The following MDFIC2 variants were observed in gnomAD, a reference collection of about 807,000 sequenced individuals.
MDFIC2 encodes myoD family inhibitor domain-containing protein 2.
At chr3:70,220,153 T>G (rs1701449065) in intron 2 of MDFIC2, among the ~76,000 whole-genome samples, 1 of 152,170 alleles carries the variant, frequency 6.6e-6, no homozygotes, top group Admixed American at 6.5e-5. Context: ...AGTGGTGAGA[T>G]GTATTAAAAT....
chr3:70,207,692 A>T (rs1428762926), intron 2 of MDFIC2, among the ~76,000 whole-genome samples: 2 of 152,106 alleles, frequency 1.3e-5, no homozygotes, highest in African/African-American at 4.8e-5. Flanking sequence ...ACAGTATAAC[A>T]ACCACTTACA....
At chr3:70,288,932 T>C (rs559810114) in intron 2 of MDFIC2, among the ~76,000 whole-genome samples, 1 of 152,162 alleles carries the variant, frequency 6.6e-6, no homozygotes, top group African/African-American at 2.4e-5. Flanking sequence ...CTCCATCCTT[T>C]TATTTTGAGC....
intron 2 of MDFIC2, among the ~76,000 whole-genome samples, chr3:70,294,927 A>G (rs1198673786): frequency 2.0e-5 from 3 of 152,168 alleles, no homozygotes; most frequent in Admixed American, 6.5e-5. Context: ...AACAAAGCAA[A>G]GTAAAACAAC....
In MDFIC2 at chr3:70,219,507, T is replaced by A. The variant is rs749240966; in HGVS notation, c.89-12717A>T. ...TAAACAGAAGAAATTTTTCAAAAAT[T>A]GTGCAAGGTTTTCATTAGATTGCAA... On this transcript the variant is annotated intron_variant, in intron 2 of 3. Transcript: ENST00000567252. Among the ~76,000 whole-genome samples the A allele has an allele frequency of 1.4e-4, 22 of 152,258 alleles. 1 individual carries two copies. The highest frequency in any genetic ancestry group is 7.7e-4 in the East Asian group (4 of 5,174).
Position 70,194,795 on chromosome 3 carries a change from A to G in MDFIC2, c.*2131T>C, listed in dbSNP as rs940821229. 4.6e-5 allele frequency among the ~76,000 whole-genome samples: 7 copies of G among 152,218 alleles called. No homozygotes were observed. Among genetic ancestry groups the G allele is most frequent in the Non-Finnish European group, 8.8e-5 (6 of 68,034 alleles). On this transcript the variant is annotated 3_prime_UTR_variant, in exon 4 of 4. Transcript: ENST00000567252. Reference sequence around the variant, plus strand: ...TTGAAATATTTAACACCAATATGGCATGGCCTCACCAATGATACCAGGTAC... The same window carrying G: ...TTGAAATATTTAACACCAATATGGCGTGGCCTCACCAATGATACCAGGTAC...
At chr3:70,290,686 A>G (rs1169071858) in intron 2 of MDFIC2, among the ~76,000 whole-genome samples, 1 of 152,038 alleles carries the variant, frequency 6.6e-6, no homozygotes, top group Non-Finnish European at 1.5e-5. Context: ...GTTTGATCTC[A>G]GACTGCTGTG....
chr3:70,227,661 A>C (rs1023617210), intron 2 of MDFIC2, among the ~76,000 whole-genome samples: 2 of 152,332 alleles, frequency 1.3e-5, no homozygotes, highest in South Asian at 2.1e-4. Flanking sequence ...TAATAATACT[A>C]CTTAACAATT....
intron 2 of MDFIC2, among the ~76,000 whole-genome samples, chr3:70,238,424 A>G (rs1369869939): frequency 6.6e-6 from 1 of 151,986 alleles, no homozygotes; most frequent in African/African-American, 2.4e-5. Flanking sequence ...GCCTGGCAAC[A>G]TGTAGAAATC....
chr3:70,279,668 C>T (rs1219224002), intron 2 of MDFIC2, among the ~76,000 whole-genome samples: 1 of 152,174 alleles, frequency 6.6e-6, no homozygotes, highest in Admixed American at 6.6e-5. Flanking sequence ...AGCAGCTCCT[C>T]CATTTCTGCA....
chr3:70,267,509 T>C (rs1317932487), intron 2 of MDFIC2, among the ~76,000 whole-genome samples: 1 of 148,342 alleles, frequency 6.7e-6, no homozygotes, highest in Non-Finnish European at 1.5e-5. Context: ...CTCACGCCCT[T>C]CTCCTGCCTC....
chr3:70,212,588 C>T (rs908635612), intron 2 of MDFIC2, among the ~76,000 whole-genome samples: 4 of 152,084 alleles, frequency 2.6e-5, no homozygotes, highest in African/African-American at 9.7e-5. Context: ...TCTCTGCCCT[C>T]ACATCTGGAC....
intron 2 of MDFIC2, among the ~76,000 whole-genome samples, chr3:70,238,903 C>A (rs2106640020): frequency 6.6e-6 from 1 of 152,258 alleles, no homozygotes; most frequent in Non-Finnish European, 1.5e-5. Context: ...CTATTTTCTT[C>A]CCATCTCTTT....
chr3:70,278,549 G>C (rs545178080), intron 2 of MDFIC2, among the ~76,000 whole-genome samples: 1 of 152,194 alleles, frequency 6.6e-6, no homozygotes, highest in Non-Finnish European at 1.5e-5. Context: ...ACTCTGTGCT[G>C]TTGTCAGCAT....
intron 2 of MDFIC2, among the ~76,000 whole-genome samples, chr3:70,261,019 A>C (rs74741470): frequency 0.043 from 6,553 of 152,214 alleles, 258 homozygotes; most frequent in East Asian, 0.15. Context: ...TCCGCTTGAC[A>C]TGAAACAGAC....
At chr3:70,279,061 T>A (rs1233526834) in intron 2 of MDFIC2, among the ~76,000 whole-genome samples, 1 of 150,428 alleles carries the variant, frequency 6.6e-6, no homozygotes, top group Non-Finnish European at 1.5e-5. Context: ...CTCCCTTTCC[T>A]AACATCTTCT....
chr3:70,203,611 T>C (rs184404461), intron 3 of MDFIC2, among the ~76,000 whole-genome samples: 17 of 152,288 alleles, frequency 1.1e-4, no homozygotes, highest in African/African-American at 3.4e-4. Context: ...TGAAACATTT[T>C]ATAAGGTGAC....
chr3:70,258,777 C>T (rs1448386316), intron 2 of MDFIC2, among the ~76,000 whole-genome samples: 4 of 151,958 alleles, frequency 2.6e-5, no homozygotes, highest in African/African-American at 9.7e-5. Flanking sequence ...TGGAACCTTG[C>T]AAAAAGTGTT....
At chr3:70,307,646 T>C (rs909155408) in intron 2 of MDFIC2, among the ~76,000 whole-genome samples, 2 of 152,166 alleles carry the variant, frequency 1.3e-5, no homozygotes, top group Non-Finnish European at 1.5e-5. Context: ...CTGTGTGTAT[T>C]AGCCGTCACC....
Position 70,250,156 on chromosome 3 carries a change from C to A in MDFIC2, c.89-43366G>T, listed in dbSNP as rs150536074. 2.0e-5 allele frequency among the ~76,000 whole-genome samples: 3 copies of A among 152,276 alleles called. No individual in the cohort carries two copies. The East Asian group carries it at 5.8e-4, about 29-fold the overall frequency. On this transcript the variant is annotated intron_variant, in intron 2 of 3. Coordinates refer to ENST00000567252, the MANE Select transcript of MDFIC2 (RefSeq NM_001364677.1). The stretch of plus-strand genomic sequence containing the variant: ...CTGTTGCTAGTTATTCTTCTCTGTT[C>A]AATAAATATTGTGAAGGATTTGGAG...
Sources: allele counts gnomAD v4.1 joint callset (sites outside exome capture counted in the v4.1 genomes callset), GRCh38; gene constraint gnomAD v4.1.1; transcripts MANE v1.5; gene names NCBI Gene and HGNC (gene_info 2026-07-23, HGNC 2026-07-21).